The following SGPP1 variants were observed in gnomAD, a reference collection of about 807,000 sequenced individuals.
SGPP1 encodes sphingosine-1-phosphate phosphatase 1, also known as hSPP1.
In SGPP1, 21 loss-of-function variants were observed where a neutral mutation model predicts 33.0. The ratio of observed to expected loss-of-function variants is 0.64; its 90% CI spans 0.45 to 0.92. SGPP1 has a LOEUF of 0.92. Among genes scored for constraint, SGPP1 ranks in the 40% least tolerant of loss-of-function variants. The pLI, the probability that SGPP1 is intolerant of heterozygous loss-of-function variation, is 0.00. For synonymous variants in SGPP1, 239 were observed against 241.2 expected, an observed-to-expected ratio of 0.99 and a Z score of 0.08; for missense variants, 543 against 589.4, an observed-to-expected ratio of 0.92 and a Z score of 0.81.
chr14:63,692,254 T>C (rs1157325074), intron 2 of SGPP1, among the ~76,000 whole-genome samples: 1 of 152,254 alleles, frequency 6.6e-6, no homozygotes, highest in East Asian at 1.9e-4. Context: ...CTTTTTCCCT[T>C]TCAAAAGTGT....
intron 1 of SGPP1, among the ~76,000 whole-genome samples, chr14:63,716,068 C>A (rs1885617078): frequency 6.6e-6 from 1 of 152,006 alleles, no homozygotes; most frequent in African/African-American, 2.4e-5. Context: ...TAAAGAAATA[C>A]AACAAAATCC....
rs113610204 is a variant in SGPP1, at chr14:63,717,000, G to A, written c.684+10261C>T. 6.6e-4 allele frequency among the ~76,000 whole-genome samples: 101 copies of A among 152,126 alleles called. 3 individuals carry two copies. The highest frequency in any genetic ancestry group is 2.3e-3 in the African/African-American group (97 of 41,538). ...GAACCACCGTGCCCAGGACCCAACT[G>A]TAATTTTTAAAAATCTTCTGAACTT... On this transcript the variant is annotated intron_variant, in intron 1 of 2. Transcript: ENST00000247225.
At chr14:63,692,416 TA>T (rs1885108178) in intron 2 of SGPP1, among the ~76,000 whole-genome samples, 1 of 152,088 alleles carries the variant, frequency 6.6e-6, no homozygotes, top group South Asian at 2.1e-4. Context: ...AATCAGAAAT[TA>T]AATATTGGGA....
chr14:63,710,867 G>C (rs1426582090), intron 1 of SGPP1, among the ~76,000 whole-genome samples: 1 of 152,150 alleles, frequency 6.6e-6, no homozygotes, highest in Admixed American at 6.6e-5. Context: ...AGGACCATGG[G>C]ATAGGGCTAG....
chr14:63,716,535 T>A (rs558561316), intron 1 of SGPP1, among the ~76,000 whole-genome samples: 1 of 151,582 alleles, frequency 6.6e-6, no homozygotes, highest in Non-Finnish European at 1.5e-5. Context: ...AATTAAAAAA[T>A]TTAAAAAATT....
intron 1 of SGPP1, among the ~76,000 whole-genome samples, chr14:63,705,248 C>G (rs1419840007): frequency 6.8e-6 from 1 of 146,664 alleles, no homozygotes; most frequent in Non-Finnish European, 1.5e-5. Flanking sequence ...TAATAAGGAT[C>G]TAGTATGCAG....
chr14:63,688,707 G>C (rs1352061402), intron 2 of SGPP1, among the ~76,000 whole-genome samples: 1 of 148,812 alleles, frequency 6.7e-6, no homozygotes, highest in Admixed American at 6.7e-5. Context: ...AAAAACAACC[G>C]TCATTTCTTT....
intron 1 of SGPP1, among the ~76,000 whole-genome samples, chr14:63,716,493 CA>C: frequency 6.6e-6 from 1 of 151,192 alleles, no homozygotes; most frequent in African/African-American, 2.4e-5. Flanking sequence ...GACTCAGTCT[CA>C]AAAAAACAAA....
intron 1 of SGPP1, among the ~76,000 whole-genome samples, chr14:63,705,100 G>A (rs1202274723): frequency 6.6e-6 from 1 of 151,510 alleles, no homozygotes; most frequent in Non-Finnish European, 1.5e-5. Flanking sequence ...GCACTCCTGC[G>A]TGGGTGACAG....
At chr14:63,716,463 T>C (rs1885629076) in intron 1 of SGPP1, among the ~76,000 whole-genome samples, 1 of 151,690 alleles carries the variant, frequency 6.6e-6, no homozygotes, top group African/African-American at 2.4e-5. Flanking sequence ...CTCTGCACTC[T>C]AGCCTGGGCA....
chr14:63,684,312 C>A lies in SGPP1; in HGVS notation c.*1793G>T, dbSNP rs1297178690. ...AACACAAATGGAACATTTTCAAATA[C>A]CTTTTAAGCTAGACATAAAAATCAA... On this transcript the variant is annotated 3_prime_UTR_variant, in exon 3 of 3. Coordinates refer to ENST00000247225, the MANE Select transcript of SGPP1 (RefSeq NM_030791.4). The A allele has an allele frequency of 6.6e-6, 1 of 152,066 alleles. No individual in the cohort carries two copies. The highest frequency in any genetic ancestry group is 1.5e-5 in the Non-Finnish European group (1 of 67,926). 9.4% of individuals were successfully genotyped at this position (152,066 alleles called of 1,614,324 possible).
At chr14:63,697,623 T>A (rs528423135) in intron 2 of SGPP1, among the ~76,000 whole-genome samples, 6 of 152,020 alleles carry the variant, frequency 3.9e-5, no homozygotes, top group Non-Finnish European at 7.4e-5. Context: ...CAATTGCAAT[T>A]TAGGATAAGT....
chr14:63,707,044 A>T (rs1389236252), intron 1 of SGPP1, among the ~76,000 whole-genome samples: 1 of 150,628 alleles, frequency 6.6e-6, no homozygotes, highest in African/African-American at 2.4e-5. Context: ...CTGTCCCAAA[A>T]AAAAAAAAAA....
chr14:63,685,319 A>T lies in SGPP1; in HGVS notation c.*786T>A, dbSNP rs1884947648. 2 of 152,508 alleles carry T rather than the reference A, an allele frequency of 1.3e-5. No individual in the cohort carries two copies. Among genetic ancestry groups the T allele is most frequent in the Admixed American group, 1.3e-4 (2 of 15,264 alleles). The allele number at this position is 152,508 out of a possible 1,614,324, so 9.4% of individuals were successfully genotyped here. On this transcript the variant is annotated 3_prime_UTR_variant, in exon 3 of 3. Transcript: ENST00000247225. ...AAAGTTAATGTCTTATTTTTACATC[A>T]CAGTACACATAGCATTTCTTAATTT...
chr14:63,717,707 T>C (rs918443154), intron 1 of SGPP1, among the ~76,000 whole-genome samples: 43 of 152,002 alleles, frequency 2.8e-4, no homozygotes, highest in Non-Finnish European at 7.4e-5. Flanking sequence ...ATCTTCCAAA[T>C]ATAACGAAAA....
At chr14:63,709,089 T>C (rs565861991) in intron 1 of SGPP1, among the ~76,000 whole-genome samples, 2 of 152,332 alleles carry the variant, frequency 1.3e-5, no homozygotes, top group African/African-American at 4.8e-5. Flanking sequence ...AAGATACTAA[T>C]TCTGGCTGGG....
intron 1 of SGPP1, among the ~76,000 whole-genome samples, chr14:63,726,119 T>C (rs184185891): frequency 6.6e-6 from 1 of 152,338 alleles, no homozygotes; most frequent in Non-Finnish European, 1.5e-5. Context: ...AGAGATGCAC[T>C]ACACAGAAGT....
chr14:63,687,758 T>C (rs1355820970), intron 2 of SGPP1, among the ~76,000 whole-genome samples: 1 of 152,204 alleles, frequency 6.6e-6, no homozygotes, highest in African/African-American at 2.4e-5. Flanking sequence ...CCCAACACTT[T>C]GTCGAAACTG....
rs1299272615 is a variant in SGPP1 at position 63,727,634 on chromosome 14, C to T, written c.311G>A (p.Arg104His). The change falls in exon 1 of 3, where the codon CGC (arginine) becomes CAC (histidine). Residue 104 changes from arginine to histidine, a missense_variant. Arg to His is a conservative substitution (Grantham distance 29, BLOSUM62 0). Transcript: ENST00000247225. ...AAELGPASPR[R>H]AGALRRNSLT... The stretch of plus-strand genomic sequence containing the variant: ...CGAGTTGCGGCGCAGAGCGCCCGCG[C>T]GCCGCGGCGAGGCCGGGCCCAGCTC... 7.1e-6 allele frequency: 10 copies of T among 1,408,892 alleles called. No homozygotes were observed. The highest frequency in any genetic ancestry group is 8.3e-6 in the Non-Finnish European group (9 of 1,090,244). 87.3% of individuals were successfully genotyped at this position (1,408,892 alleles called of 1,614,324 possible). A position where few individuals can be genotyped will look rare whatever the true frequency, so the allele number is the denominator to read the frequency against.
Sources: gnomAD v4.1 joint callset for allele counts (sites outside exome capture counted in the v4.1 genomes callset) on GRCh38, gnomAD v4.1.1 for gene constraint, MANE v1.5 for transcripts, NCBI Gene and HGNC (gene_info 2026-07-23, HGNC 2026-07-21) for gene names.